The following PTPRT variants were observed in gnomAD, a reference collection of about 807,000 sequenced individuals.
PTPRT encodes protein tyrosine phosphatase receptor type T, also known as receptor-type tyrosine-protein phosphatase T.
Under a neutral mutation model 176.8 loss-of-function variants are expected in PTPRT, and 56 were observed. The observed-to-expected ratio is 0.32, with a 90% confidence interval of 0.26 to 0.40. PTPRT has a LOEUF of 0.40. Ranked by LOEUF, PTPRT falls within the 10% of genes least tolerant of loss-of-function variation. PTPRT has a pLI of 1.00. For synonymous variants in PTPRT, 783 were observed against 739.0 expected (o/e 1.06, Z -0.96); for missense variants, 1,540 against 1,908.2 (o/e 0.81, Z 3.60).
At chr20:42,315,181 T>A (rs1417107846) in intron 12 of PTPRT, among the ~76,000 whole-genome samples, 1 of 30,922 alleles carries the variant, frequency 3.2e-5, no homozygotes, top group Non-Finnish European at 6.1e-5. Flanking sequence ...CGAGGCTCCG[T>A]CTCAAAAAAA....
chr20:42,474,782 C>T lies in PTPRT; in HGVS notation c.1154-2220G>A, dbSNP rs191811446. On this transcript the variant is annotated intron_variant, in intron 7 of 30. Transcript: ENST00000373187. ...GGCTTGCCTGGGAAGCCCCGAGCAT[C>T]CCCATCAGCGTTGCCTAGCTGGGGC... Among the ~76,000 whole-genome samples, 509 of 152,270 alleles carry T rather than the reference C, an allele frequency of 3.3e-3. 4 individuals are homozygous for T. Among genetic ancestry groups the T allele is most frequent in the Middle Eastern group, 0.014 (4 of 294 alleles).
chr20:42,210,633 A>T (rs2055599207), intron 15 of PTPRT, among the ~76,000 whole-genome samples: 1 of 150,342 alleles, frequency 6.7e-6, no homozygotes. Context: ...CCACTGCTCA[A>T]GGAAATAAAA....
chr20:42,499,438 T>A (rs1403280908), intron 7 of PTPRT, among the ~76,000 whole-genome samples: 1 of 151,742 alleles, frequency 6.6e-6, no homozygotes, highest in African/African-American at 2.4e-5. Context: ...ATTACAGGCA[T>A]CCACCACCAC....
At chr20:42,408,606 T>TG (rs3092176) in intron 9 of PTPRT, among the ~76,000 whole-genome samples, 1 of 18,764 alleles carries the variant, frequency 5.3e-5, no homozygotes, top group African/African-American at 2.9e-4. Context: ...CTATCCTGTG[T>TG]TTTTTTTTTT....
chr20:42,680,227 A>G (rs1397191453), intron 6 of PTPRT, among the ~76,000 whole-genome samples: 2 of 152,196 alleles, frequency 1.3e-5, no homozygotes, highest in South Asian at 2.1e-4. Flanking sequence ...GGGGTGGACA[A>G]TATTTTCTCA....
intron 15 of PTPRT, among the ~76,000 whole-genome samples, chr20:42,231,810 G>A (rs1269750376): frequency 6.6e-6 from 1 of 152,128 alleles, no homozygotes; most frequent in African/African-American, 2.4e-5. Flanking sequence ...AGAACACAAG[G>A]GTTTGTAAAG....
chr20:42,596,452 G>A (rs368128560), intron 7 of PTPRT, among the ~76,000 whole-genome samples: 6 of 152,080 alleles, frequency 3.9e-5, no homozygotes, highest in African/African-American at 1.2e-4. Flanking sequence ...ATACCACGGC[G>A]GTCTTTGTAA....
At chr20:42,032,777 C>A in the PTPRT span, among the ~76,000 whole-genome samples, 5 of 151,856 alleles carry the variant, frequency 3.3e-5, no homozygotes, top group African/African-American at 7.3e-5. Flanking sequence ...TCTCTCTCTC[C>A]CTCTCATCTC....
chr20:43,144,831 C>T (rs374682352), intron 1 of PTPRT, among the ~76,000 whole-genome samples: 1 of 152,258 alleles, frequency 6.6e-6, no homozygotes, highest in South Asian at 2.1e-4. Context: ...GGTCACAACA[C>T]ATCACTGCTT....
At chr20:42,037,141 T>C in the PTPRT span, among the ~76,000 whole-genome samples, 5 of 152,238 alleles carry the variant, frequency 3.3e-5, no homozygotes, top group African/African-American at 9.6e-5. Flanking sequence ...AAATGGACTC[T>C]TGGAATCTCC....
chr20:43,028,622 A>T (rs928348099), intron 1 of PTPRT, among the ~76,000 whole-genome samples: 7 of 152,136 alleles, frequency 4.6e-5, no homozygotes, highest in African/African-American at 1.7e-4. Flanking sequence ...TCTAGAAGTA[A>T]AATGCCATCC....
At chr20:42,972,164 C>A (rs1982682995) in intron 1 of PTPRT, among the ~76,000 whole-genome samples, 1 of 143,974 alleles carries the variant, frequency 6.9e-6, no homozygotes. Context: ...TCCCCAACCC[C>A]ATTTGTTTGT....
At chr20:42,871,548 G>A (rs1331655375) in intron 2 of PTPRT, among the ~76,000 whole-genome samples, 2 of 152,050 alleles carry the variant, frequency 1.3e-5, no homozygotes, top group African/African-American at 2.4e-5. Flanking sequence ...CCAAGAAATC[G>A]CTGCCAAATC....
intron 1 of PTPRT, among the ~76,000 whole-genome samples, chr20:42,905,753 T>C (rs548582833): frequency 6.6e-6 from 1 of 152,280 alleles, no homozygotes; most frequent in Non-Finnish European, 1.5e-5. Flanking sequence ...AAGGATGAGT[T>C]CATGTCCTTT....
At chr20:42,624,788 T>G (rs931937240) in intron 7 of PTPRT, among the ~76,000 whole-genome samples, 1 of 152,222 alleles carries the variant, frequency 6.6e-6, no homozygotes, top group Admixed American at 6.5e-5. Context: ...AGTTAGCTAT[T>G]TATTTATTTA....
chr20:43,162,336 C>A (rs936518892), intron 1 of PTPRT, among the ~76,000 whole-genome samples: 2 of 152,196 alleles, frequency 1.3e-5, no homozygotes, highest in Non-Finnish European at 1.5e-5. Flanking sequence ...TCAGAACAAC[C>A]TTATAACGCG....
At chr20:42,851,403 A>G (rs1297352172) in intron 2 of PTPRT, among the ~76,000 whole-genome samples, 1 of 151,954 alleles carries the variant, frequency 6.6e-6, no homozygotes, top group East Asian at 1.9e-4. Context: ...ATCTTACTCA[A>G]CTCTAATCAT....
intron 15 of PTPRT, among the ~76,000 whole-genome samples, 183 bp downstream of exon 15, chr20:42,236,046 T>A (rs562622083): frequency 6.6e-6 from 1 of 152,238 alleles, no homozygotes; most frequent in East Asian, 1.9e-4. Context: ...CATAACGAAC[T>A]TGAACAATGA....
chr20:43,093,068 C>A (rs1274584875), intron 1 of PTPRT, among the ~76,000 whole-genome samples: 1 of 152,116 alleles, frequency 6.6e-6, no homozygotes, highest in Non-Finnish European at 1.5e-5. Context: ...GACAGAATCC[C>A]AAGGAAGGTT....
Sources: allele counts gnomAD v4.1 joint callset (sites outside exome capture counted in the v4.1 genomes callset), GRCh38; gene constraint gnomAD v4.1.1; transcripts MANE v1.5; gene names NCBI Gene and HGNC (gene_info 2026-07-23, HGNC 2026-07-21).